The following SLC31A2 variants were observed in gnomAD, a reference collection of about 807,000 sequenced individuals.
The protein encoded by SLC31A2 is protein SLC31A2.
Under a neutral mutation model 14.4 loss-of-function variants are expected in SLC31A2, and 16 were observed. That is an observed-to-expected ratio of 1.11 (90% CI 0.75 to 1.69). SLC31A2 has a LOEUF of 1.69. SLC31A2 is among the 40% of genes most tolerant of loss of function. The pLI, the probability that SLC31A2 is intolerant of heterozygous loss-of-function variation, is 0.00. For missense variants in SLC31A2, 140 were observed against 173.9 expected (o/e 0.81, Z 1.10); for synonymous variants, 56 against 68.7 (o/e 0.82, Z 0.91).
chr9:113,158,254 A>G (rs1410730256), intron 2 of SLC31A2, among the ~76,000 whole-genome samples: 1 of 152,184 alleles, frequency 6.6e-6, no homozygotes, highest in Non-Finnish European at 1.5e-5. Context: ...CTTTGATTTG[A>G]AAAGGCAGAG....
Position 113,151,862 on chromosome 9 carries a change from TGAG to T in SLC31A2, c.6+788_6+790del, listed in dbSNP as rs1329544998. ...CAGCTACTCGGAGGCTGAGGCAGGA[TGAG>T]GAGGATTGCTTGAGCCCAGAAGTTC... On this transcript the variant is annotated intron_variant, in intron 1 of 3. Transcript: ENST00000259392. This position sits in a 1 kb window ranked among gnomAD's most constrained non-coding sequence, Gnocchi z 4.2. The T allele has an allele frequency of 6.6e-6, 1 of 151,906 alleles. No individual in the cohort carries two copies. The highest frequency in any genetic ancestry group is 2.4e-5 in the African/African-American group (1 of 41,310). The allele number at this position is 151,906 out of a possible 1,614,324, so 9.4% of individuals were successfully genotyped here. A position where few individuals can be genotyped will look rare whatever the true frequency, so the allele number is the denominator to read the frequency against.
rs12003321 is a variant in SLC31A2 at position 113,156,137 on chromosome 9, C to G, written c.7-1590C>G. 9.8e-3 allele frequency: 5,056 copies of G among 518,298 alleles called. 217 individuals are homozygous for G. The highest frequency in any genetic ancestry group is 0.087 in the African/African-American group (4,500 of 51,990). 32.1% of individuals were successfully genotyped at this position (518,298 alleles called of 1,614,324 possible). ...TCAAATCTGCCTACCTTTCCACCCC[C>G]ACACTGACGTTTGCCTCCACCGGAA... On this transcript the variant is annotated intron_variant, in intron 1 of 3. Coordinates refer to ENST00000259392, the MANE Select transcript of SLC31A2 (RefSeq NM_001860.3).
At chr9:113,160,358 T>A (rs1004478905) in intron 2 of SLC31A2, among the ~76,000 whole-genome samples, 3 of 151,742 alleles carry the variant, frequency 2.0e-5, no homozygotes, top group Non-Finnish European at 4.4e-5. Flanking sequence ...CCTGTCCTTT[T>A]AAAAAAAATT....
intron 1 of SLC31A2, among the ~76,000 whole-genome samples, chr9:113,153,694 C>G (rs908943787): frequency 6.6e-6 from 1 of 152,100 alleles, no homozygotes; most frequent in Non-Finnish European, 1.5e-5. Context: ...AGACACAGAG[C>G]TGTGTGGCTG....
At chr9:113,158,777 A>C (rs531285137) in intron 2 of SLC31A2, among the ~76,000 whole-genome samples, 7 of 152,052 alleles carry the variant, frequency 4.6e-5, no homozygotes, top group African/African-American at 1.7e-4. Flanking sequence ...AATTACTTCT[A>C]CCTTTATTGG....
At chr9:113,160,709 TG>T (rs1430698507) in intron 2 of SLC31A2, among the ~76,000 whole-genome samples, 1 of 151,994 alleles carries the variant, frequency 6.6e-6, no homozygotes, top group Admixed American at 6.6e-5. Context: ...AGGTAGGGAG[TG>T]GGGCTGAAAG....
At chr9:113,156,136 C>G (rs59571100) in intron 1 of SLC31A2, 1 of 518,280 alleles carries the variant, frequency 1.9e-6, no homozygotes, top group Admixed American at 1.9e-5. Flanking sequence ...CTTTCCACCC[C>G]CACACTGACG....
intron 2 of SLC31A2, among the ~76,000 whole-genome samples, chr9:113,160,451 G>T (rs1480701646): frequency 6.6e-6 from 1 of 152,166 alleles, no homozygotes; most frequent in Non-Finnish European, 1.5e-5. Context: ...TCCAATCAGG[G>T]TGACTGGGGT....
At chr9:113,160,425 A>G (rs1194039329) in intron 2 of SLC31A2, among the ~76,000 whole-genome samples, 1 of 152,194 alleles carries the variant, frequency 6.6e-6, no homozygotes, top group South Asian at 2.1e-4. Context: ...TGATACCTAT[A>G]TACAATATGT....
In SLC31A2 at chr9:113,151,052, G is replaced by A. The variant is rs763626861; in HGVS notation, c.-23G>A. 4 of 1,307,502 alleles carry A rather than the reference G, an allele frequency of 3.1e-6. No homozygotes were observed. The East Asian group carries it at 1.2e-4, about 38-fold the overall frequency. 81.0% of individuals were successfully genotyped at this position (1,307,502 alleles called of 1,614,324 possible). A position where few individuals can be genotyped will look rare whatever the true frequency, so the allele number is the denominator to read the frequency against. On this transcript the variant is annotated 5_prime_UTR_variant, in exon 1 of 4. Coordinates refer to ENST00000259392, the MANE Select transcript of SLC31A2 (RefSeq NM_001860.3). The surrounding 1 kb of genome is among the most constrained non-coding windows in gnomAD (Gnocchi z 4.2). ...GACCCGAGCGAGCAGACGCGGCCCT[G>A]GCGCCCGCCCTGCGCACTCACCATG... is the stretch of plus-strand genomic sequence containing the variant.
intron 2 of SLC31A2, among the ~76,000 whole-genome samples, chr9:113,160,550 C>T (rs768424449): frequency 6.6e-6 from 1 of 152,158 alleles, no homozygotes; most frequent in Non-Finnish European, 1.5e-5. Context: ...CTATAAATTT[C>T]CCTACTGTAC....
chr9:113,151,146 T>A lies in SLC31A2; in HGVS notation c.6+66T>A. 1 of 1,271,838 alleles carries A rather than the reference T, an allele frequency of 7.9e-7. No individual in the cohort carries two copies. Among genetic ancestry groups the A allele is most frequent in the East Asian group, 3.0e-5 (1 of 33,596 alleles). 78.8% of individuals were successfully genotyped at this position (1,271,838 alleles called of 1,614,324 possible). On this transcript the variant is annotated intron_variant, in intron 1 of 3. Coordinates refer to ENST00000259392, the MANE Select transcript of SLC31A2 (RefSeq NM_001860.3). The surrounding 1 kb of genome is among the most constrained non-coding windows in gnomAD (Gnocchi z 4.2). Reference sequence around the variant, plus strand: ...GGCGGGGTCTCCTGGAGCTGCCATCTCGGCACCCCGAATCCTCGCTGCCGC... The same window carrying A: ...GGCGGGGTCTCCTGGAGCTGCCATCACGGCACCCCGAATCCTCGCTGCCGC...
intron 1 of SLC31A2, among the ~76,000 whole-genome samples, chr9:113,156,560 G>C (rs558316132): frequency 1.4e-4 from 22 of 152,336 alleles, no homozygotes; most frequent in Non-Finnish European, 1.9e-4. Flanking sequence ...TTTGGCCATT[G>C]TCTTAGAAGG....
chr9:113,156,925 T>G (rs551190950), intron 1 of SLC31A2, among the ~76,000 whole-genome samples: 4 of 152,324 alleles, frequency 2.6e-5, no homozygotes, highest in African/African-American at 9.6e-5. Context: ...CACCAGTAAA[T>G]TACTTCTCTA....
intron 1 of SLC31A2, among the ~76,000 whole-genome samples, chr9:113,155,233 G>A (rs1829919168): frequency 6.6e-6 from 1 of 152,156 alleles, no homozygotes; most frequent in Admixed American, 6.5e-5. Flanking sequence ...TGTGACCCTG[G>A]GCATGTCACA....
intron 3 of SLC31A2, chr9:113,162,112 T>A (rs970949666): frequency 2.1e-5 from 7 of 335,362 alleles, no homozygotes; most frequent in African/African-American, 1.3e-4. Context: ...TCTCCTCTCC[T>A]CCCTTCCCAC....
chr9:113,153,067 C>A (rs926938899), intron 1 of SLC31A2, among the ~76,000 whole-genome samples: 1 of 151,806 alleles, frequency 6.6e-6, no homozygotes, highest in African/African-American at 2.4e-5. Flanking sequence ...ATTGTTTGTA[C>A]CTGTTTGGTT....
At position 113,161,581 on chromosome 9, in the gene SLC31A2, A is replaced by T. The variant is rs1830012896; in HGVS notation, c.146A>T (p.Lys49Met). The T allele has an allele frequency of 6.2e-7, 1 of 1,613,884 alleles. No individual in the cohort carries two copies. The highest frequency in any genetic ancestry group is 8.5e-7 in the Non-Finnish European group (1 of 1,179,884). The change falls in exon 3 of 4, where the codon AAG becomes ATG. Residue 49 changes from lysine to methionine, a missense_variant. Physicochemically the swap from Lys to Met is moderately conservative, Grantham distance 95 (BLOSUM62 -1). Transcript: ENST00000259392. ...GAAGGCATCAAGGTTGGCAAAGCCA[A>T]GCTGCTCAACCAGGTACTGGTGAAC... is the stretch of plus-strand genomic sequence containing the variant. ...LYEGIKVGKA[K>M]LLNQVLVNLP...
At chr9:113,154,461 A>C (rs1829908563) in intron 1 of SLC31A2, among the ~76,000 whole-genome samples, 1 of 152,196 alleles carries the variant, frequency 6.6e-6, no homozygotes, top group African/African-American at 2.4e-5. Context: ...AACTGCAACA[A>C]AGTGAACTGA....
Sources: allele counts gnomAD v4.1 joint callset (sites outside exome capture counted in the v4.1 genomes callset), GRCh38; gene constraint gnomAD v4.1.1; non-coding constraint Gnocchi (gnomAD v3.1); transcripts MANE v1.5; gene names NCBI Gene and HGNC (gene_info 2026-07-23, HGNC 2026-07-21).